Variants in SPOPL observed in about 807,000 individuals in gnomAD.
SPOPL encodes speckle type BTB/POZ protein like, also known as speckle-type POZ protein-like.
Under a neutral mutation model 53.8 loss-of-function variants are expected in SPOPL, and 23 were observed. The observed-to-expected ratio is 0.43, with a 90% CI of 0.31 to 0.61. SPOPL has a LOEUF of 0.61. Ranked by LOEUF, SPOPL falls within the 20% of genes least tolerant of loss-of-function variation. The probability of loss-of-function intolerance (pLI) is 0.12; values close to 1 mark genes in which losing one functional copy is unlikely to be tolerated. For missense variants in SPOPL, 442 were observed against 466.9 expected (o/e 0.95, Z 0.49); for synonymous variants, 164 against 149.7 (o/e 1.10, Z -0.70).
chr2:138,529,636 G>T (rs1465894035), intron 1 of SPOPL, among the ~76,000 whole-genome samples: 1 of 151,848 alleles, frequency 6.6e-6, no homozygotes, highest in Non-Finnish European at 1.5e-5. Context: ...TATATTTTAG[G>T]TTTATGTTTT....
intron 1 of SPOPL, among the ~76,000 whole-genome samples, chr2:138,537,983 C>G (rs1478926284): frequency 2.0e-5 from 3 of 152,062 alleles, no homozygotes; most frequent in African/African-American, 4.8e-5. Flanking sequence ...TCGGTTTCCT[C>G]TTGAGTCAGT....
intron 1 of SPOPL, among the ~76,000 whole-genome samples, chr2:138,536,675 T>C (rs993102966): frequency 2.6e-5 from 4 of 152,146 alleles, no homozygotes; most frequent in Non-Finnish European, 5.9e-5. Context: ...AAATCAGCTG[T>C]CCTGTAGTTT....
intron 5 of SPOPL, among the ~76,000 whole-genome samples, chr2:138,553,774 A>G (rs1452039710): frequency 1.3e-5 from 2 of 152,162 alleles, no homozygotes; most frequent in African/African-American, 4.8e-5. Context: ...TGACAAACAC[A>G]TAGCACAAGT....
chr2:138,565,722 A>T lies in SPOPL; in HGVS notation c.1034+729A>T, dbSNP rs137995850. ...TTCCTCAAATTATCAAAAGTTGATAAAAGAAAGTGGGAATTTTTTTTTTTT... is the reference window on the plus strand; with the variant it reads ...TTCCTCAAATTATCAAAAGTTGATATAAGAAAGTGGGAATTTTTTTTTTTT... On this transcript the variant is annotated intron_variant, in intron 10 of 10. Coordinates refer to ENST00000280098, the MANE Select transcript of SPOPL (RefSeq NM_001001664.3). Among the ~76,000 whole-genome samples, 616 of 152,158 alleles carry T rather than the reference A, an allele frequency of 4.0e-3. 2 individuals are homozygous for T. Among genetic ancestry groups the T allele is most frequent in the African/African-American group, 0.014 (570 of 41,504 alleles).
rs770713424 is a variant in SPOPL at position 138,560,849 on chromosome 2, A to G, written c.759A>G (p.Glu253=). Residue 253 remains glutamate (E), a synonymous_variant, in exon 8 of 11, where the codon GAA becomes GAG. Transcript: ENST00000280098. The part of the protein sequence containing the change: ...INDLDPEVFK[E]MMRFIYTGRA... ...ATTTAGACCCTGAAGTTTTTAAAGA[A>G]ATGATGAGATTCATTTACACAGGGA... 4 of 1,609,968 alleles carry G rather than the reference A, an allele frequency of 2.5e-6. No individual in the cohort carries two copies. The African/African-American group carries it at 5.4e-5, about 22-fold the overall frequency.
At chr2:138,550,418 T>C in intron 2 of SPOPL, 65 bp from the exon 3 acceptor site, 1 of 1,590,010 alleles carries the variant, frequency 6.3e-7, no homozygotes, top group Non-Finnish European at 8.6e-7. Context: ...CGTAGGATGT[T>C]GAACATGTAA....
At chr2:138,533,715 A>G (rs774668158) in intron 1 of SPOPL, among the ~76,000 whole-genome samples, 1 of 152,088 alleles carries the variant, frequency 6.6e-6, no homozygotes, top group Admixed American at 6.6e-5. Context: ...TTTTCATCAT[A>G]TATATAAAGT....
At chr2:138,502,166 G>A in intron 1 of SPOPL, 47 bp downstream of exon 1, 1 of 151,630 alleles carries the variant, frequency 6.6e-6, no homozygotes, top group Non-Finnish European at 1.5e-5. Context: ...AGCCCCAGGC[G>A]CTTGCTCCCC....
At chr2:138,514,884 A>G (rs992582311) in intron 1 of SPOPL, among the ~76,000 whole-genome samples, 6 of 152,168 alleles carry the variant, frequency 3.9e-5, no homozygotes, top group African/African-American at 1.4e-4. Context: ...TCTGTCTCAT[A>G]TATTTAGCCA....
chr2:138,544,257 G>A (rs940000985), intron 1 of SPOPL, among the ~76,000 whole-genome samples: 1 of 152,178 alleles, frequency 6.6e-6, no homozygotes, highest in African/African-American at 2.4e-5. Context: ...CTCTCTTCAA[G>A]GCTGTCAGAC....
chr2:138,517,821 C>T (rs1265310673), intron 1 of SPOPL, among the ~76,000 whole-genome samples: 1 of 151,242 alleles, frequency 6.6e-6, no homozygotes, highest in Non-Finnish European at 1.5e-5. Flanking sequence ...CCGAGGCGGG[C>T]GGATCACCTG....
intron 10 of SPOPL, among the ~76,000 whole-genome samples, chr2:138,567,473 AAGT>A (rs1252958880): frequency 6.8e-6 from 1 of 146,072 alleles, no homozygotes; most frequent in Non-Finnish European, 1.5e-5. Flanking sequence ...AAGCTGGAGA[AAGT>A]AGGCAGAGAT....
At chr2:138,567,862 A>C (rs564718334) in intron 10 of SPOPL, among the ~76,000 whole-genome samples, 1 of 152,296 alleles carries the variant, frequency 6.6e-6, no homozygotes, top group Non-Finnish European at 1.5e-5. Context: ...GAGGCAAGGA[A>C]GGGTAACTAG....
At chr2:138,534,792 A>C (rs893566580) in intron 1 of SPOPL, among the ~76,000 whole-genome samples, 1 of 152,168 alleles carries the variant, frequency 6.6e-6, no homozygotes, top group African/African-American at 2.4e-5. Flanking sequence ...TCTGGCAACT[A>C]CTAATCTGCT....
chr2:138,508,324 C>A (rs963276278), intron 1 of SPOPL, among the ~76,000 whole-genome samples: 6 of 151,994 alleles, frequency 3.9e-5, no homozygotes, highest in Non-Finnish European at 7.4e-5. Flanking sequence ...TAATTTTATT[C>A]TTTCTTTATT....
chr2:138,550,826 T>G, intron 3 of SPOPL, 77 bp from the exon 4 acceptor site: 1 of 1,465,712 alleles, frequency 6.8e-7, no homozygotes. Context: ...TCTCTCTCTC[T>G]TTCTCTCTCT....
intron 8 of SPOPL, among the ~76,000 whole-genome samples, chr2:138,561,883 C>G (rs1409260224): frequency 2.4e-4 from 36 of 151,986 alleles, no homozygotes; most frequent in Admixed American, 2.4e-3. Flanking sequence ...CTCTCTACCC[C>G]CTCAAGGAGT....
At chr2:138,552,760 T>A in intron 5 of SPOPL, 79 bp downstream of exon 5, 1 of 1,449,552 alleles carries the variant, frequency 6.9e-7, no homozygotes, top group Non-Finnish European at 9.3e-7. Flanking sequence ...TAATAACACT[T>A]TAAAATTAAG....
In SPOPL at chr2:138,568,936, C is replaced by A. The variant is rs200694145; in HGVS notation, c.1035C>A (p.Asn345Lys). ...GCKDGKNWNS[N>K]QATDIMETSG... The stretch of plus-strand genomic sequence containing the variant: ...AATATCTTTTAATTCTATTTTTCAG[C>A]CAAGCAACCGACATAATGGAAACAT... Residue 345 changes from asparagine to lysine, a missense_variant and splice_region_variant, in exon 11 of 11, where the codon AAC becomes AAA. Physicochemically the swap from Asn to Lys is moderately conservative, Grantham distance 94 (BLOSUM62 0). Transcript: ENST00000280098. 40 of 1,613,260 alleles carry A rather than the reference C, an allele frequency of 2.5e-5. No individual in the cohort carries two copies. Among genetic ancestry groups the A allele is most frequent in the South Asian group, 1.9e-4 (17 of 90,904 alleles).
Sources: gnomAD v4.1 joint callset for allele counts (sites outside exome capture counted in the v4.1 genomes callset) on GRCh38, gnomAD v4.1.1 for gene constraint, MANE v1.5 for transcripts, NCBI Gene and HGNC (gene_info 2026-07-23, HGNC 2026-07-21) for gene names.